The following ZMPSTE24 variants were observed in gnomAD, a reference collection of about 807,000 sequenced individuals.
ZMPSTE24 encodes the protein zinc metallopeptidase STE24.
A neutral mutation model predicts 56.7 loss-of-function variants in ZMPSTE24; 48 were observed. The ratio of observed to expected loss-of-function variants is 0.85; its 90% CI spans 0.67 to 1.08. The LOEUF (loss-of-function observed/expected upper bound fraction) is 1.08. ZMPSTE24 is among the 50% of genes least tolerant of loss of function. The pLI, the probability that ZMPSTE24 is intolerant of heterozygous loss-of-function variation, is 0.00. For synonymous variants in ZMPSTE24, 172 were observed against 195.2 expected, an observed-to-expected ratio of 0.88 and a Z score of 0.99; for missense variants, 503 against 548.7, an observed-to-expected ratio of 0.92 and a Z score of 0.83.
At chr1:40,290,698 G>GA in intron 8 of ZMPSTE24, 156 bp from the exon 9 acceptor site, 2 of 693,930 alleles carry the variant, frequency 2.9e-6, no homozygotes, top group Non-Finnish European at 2.4e-6. Context: ...TCCTGACCTC[G>GA]TGATCCACCC....
intron 8 of ZMPSTE24, among the ~76,000 whole-genome samples, chr1:40,289,462 C>T (rs1187732795): frequency 6.6e-6 from 1 of 152,220 alleles, no homozygotes; most frequent in Non-Finnish European, 1.5e-5. Context: ...TAGGAGACTT[C>T]ACTGAGTTTT....
chr1:40,276,727 A>G lies in ZMPSTE24; in HGVS notation c.770-4616A>G, dbSNP rs576067872. On this transcript the variant is annotated intron_variant, in intron 6 of 9. Coordinates refer to ENST00000372759, the MANE Select transcript of ZMPSTE24 (RefSeq NM_005857.5). ...GGCTTTTCGTTGTCATGCAAACACC[A>G]TTATACTCATACAAACCTAGATGGT... Among the ~76,000 whole-genome samples, 15 of 152,348 alleles carry G rather than the reference A, an allele frequency of 9.8e-5. No individual in the cohort carries two copies. In the South Asian group the frequency reaches 2.7e-3, roughly 27 times the overall value.
In ZMPSTE24 at chr1:40,269,167, C is replaced by T. The variant is rs1322495676; in HGVS notation, c.474+632C>T. ...ATCCCAACACTTTGGGAGGCTAAGG[C>T]GGGAGGATCACTTGAGTTCAGGAGT... On this transcript the variant is annotated intron_variant, in intron 4 of 9. Transcript: ENST00000372759. Among the ~76,000 whole-genome samples, 3 of 150,284 alleles carry T rather than the reference C, an allele frequency of 2.0e-5. No homozygotes were observed. In the East Asian group the frequency reaches 5.9e-4, roughly 29 times the overall value.
At chr1:40,285,641 C>T (rs1457807217) in intron 7 of ZMPSTE24, among the ~76,000 whole-genome samples, 2 of 152,156 alleles carry the variant, frequency 1.3e-5, no homozygotes, top group Non-Finnish European at 2.9e-5. Context: ...ATAAAGATTT[C>T]TATTTCTTCC....
chr1:40,281,227 T>C, intron 6 of ZMPSTE24, 116 bp from the exon 7 acceptor site: 1 of 1,041,392 alleles, frequency 9.6e-7, no homozygotes, highest in Non-Finnish European at 1.5e-6. Context: ...TTTCTTCACA[T>C]ATTAAATGAT....
intron 6 of ZMPSTE24, 105 bp from the exon 7 acceptor site, chr1:40,281,238 T>C: frequency 1.8e-6 from 2 of 1,112,216 alleles, no homozygotes; most frequent in Non-Finnish European, 2.7e-6. Context: ...ATTAAATGAT[T>C]TGAAAATGTT....
chr1:40,273,537 A>AAAAAAATATATATATAT (rs1224234676), intron 6 of ZMPSTE24, among the ~76,000 whole-genome samples: 1 of 12,388 alleles, frequency 8.1e-5, no homozygotes, highest in Non-Finnish European at 2.0e-4. Context: ...AAAAAAAAAA[A>AAAAAAATATATATATAT]ATATATATAT....
chr1:40,268,428 T>C lies in ZMPSTE24; in HGVS notation c.367T>C (p.Ser123Pro). 1.2e-6 allele frequency: 2 copies of C among 1,611,526 alleles called. No homozygotes were observed. Among genetic ancestry groups the C allele is most frequent in the Non-Finnish European group, 1.7e-6 (2 of 1,179,266 alleles). Residue 123 changes from serine to proline, a missense_variant, in exon 4 of 10, where the codon TCC becomes CCC. Ser to Pro is a moderately conservative substitution (Grantham distance 74). Coordinates refer to ENST00000372759, the MANE Select transcript of ZMPSTE24 (RefSeq NM_005857.5). The stretch of plus-strand genomic sequence containing the variant: ...TTTTTCTTTTGTTTAGATCACTCAG[T>C]CCCTGGTGTTTCTGCTGTTGGCTAC... The part of the protein sequence containing the change: ...GFGPEYEITQ[S>P]LVFLLLATLF...
chr1:40,269,101 A>G (rs1643587494), intron 4 of ZMPSTE24, among the ~76,000 whole-genome samples: 3 of 150,798 alleles, frequency 2.0e-5, no homozygotes, highest in African/African-American at 7.3e-5. Flanking sequence ...AAAAAAAGAA[A>G]GAAAAAAAGT....
rs532366740 is a variant in ZMPSTE24 at position 40,291,721 on chromosome 1, A to G, written c.1203+724A>G. ...GCTAAATGAATTATATTTTTCTATT[A>G]TGTATGGTGGGGACACCAGGAAAGA... On this transcript the variant is annotated intron_variant, in intron 9 of 9. Transcript: ENST00000372759. 2.8e-4 allele frequency among the ~76,000 whole-genome samples: 42 copies of G among 152,260 alleles called. No individual in the cohort carries two copies. The East Asian group carries it at 7.9e-3, about 29-fold the overall frequency.
intron 2 of ZMPSTE24, among the ~76,000 whole-genome samples, chr1:40,261,857 G>A (rs543504934): frequency 5.3e-5 from 8 of 152,100 alleles, no homozygotes; most frequent in Admixed American, 3.3e-4. Context: ...CTACAGGCGC[G>A]TGCCACCACA....
At chr1:40,262,423 A>G (rs1283941581) in intron 2 of ZMPSTE24, among the ~76,000 whole-genome samples, 1 of 152,216 alleles carries the variant, frequency 6.6e-6, no homozygotes, top group Non-Finnish European at 1.5e-5. Context: ...ACTTGGCTTT[A>G]GTTAATTTAT....
chr1:40,272,123 T>A, intron 6 of ZMPSTE24, 88 bp downstream of exon 6: 1 of 1,387,932 alleles, frequency 7.2e-7, no homozygotes, highest in Non-Finnish European at 9.6e-7. Flanking sequence ...AAAGAATTAA[T>A]CAGTTTTTGT....
At position 40,268,506 on chromosome 1, in the gene ZMPSTE24, A is replaced by G; in HGVS notation, c.445A>G (p.Ile149Val). ...LPWSLYNTFV[I>V]EEKHGFNQQT... ...ATGGAGTCTTTATAATACTTTTGTG[A>G]TAGAAGAAAAACATGGCTTCAATCA... is the stretch of plus-strand genomic sequence containing the variant. The change falls in exon 4 of 10, where the codon ATA becomes GTA. Residue 149 changes from isoleucine (I) to valine (V), a missense_variant. Ile to Val is a conservative substitution (Grantham distance 29, BLOSUM62 3). Coordinates refer to ENST00000372759, the MANE Select transcript of ZMPSTE24 (RefSeq NM_005857.5). The G allele has an allele frequency of 1.9e-6, 3 of 1,610,538 alleles. No homozygotes were observed. Among genetic ancestry groups the G allele is most frequent in the East Asian group, 2.2e-5 (1 of 44,856 alleles).
intron 2 of ZMPSTE24, chr1:40,262,741 G>A (rs1446004055): frequency 1.1e-6 from 1 of 912,800 alleles, no homozygotes; most frequent in African/African-American, 1.8e-5. Flanking sequence ...TCCATTGCTT[G>A]GTAAGTGTAT....
chr1:40,285,794 A>T, intron 7 of ZMPSTE24, 131 bp from the exon 8 acceptor site: 1 of 712,846 alleles, frequency 1.4e-6, no homozygotes, highest in Middle Eastern at 4.2e-4. Context: ...ATGTTTTGTT[A>T]AGACAATCAA....
rs761001042 is a variant in ZMPSTE24 at position 40,268,447 on chromosome 1, T to A, written c.386T>A (p.Leu129Ter). 3 of 1,612,926 alleles carry A rather than the reference T, an allele frequency of 1.9e-6. No individual in the cohort carries two copies. The highest frequency in any genetic ancestry group is 2.5e-6 in the Non-Finnish European group (3 of 1,179,960). Residue 129 changes from leucine to a stop codon, truncating the protein, a stop_gained, in exon 4 of 10, where the codon TTG becomes TAG. Coordinates refer to ENST00000372759, the MANE Select transcript of ZMPSTE24 (RefSeq NM_005857.5). LOFTEE classifies it high-confidence loss of function. ...ACTCAGTCCCTGGTGTTTCTGCTGT[T>A]GGCTACACTTTTCAGTGCATTGACT... ...EITQSLVFLLLATLFSALTGL... is the reference protein window; with the variant it reads ...EITQSLVFLL
Position 40,280,907 on chromosome 1 carries a change from C to T in ZMPSTE24, c.770-436C>T, listed in dbSNP as rs186521761. Among the ~76,000 whole-genome samples, 54 of 152,216 alleles carry T rather than the reference C, an allele frequency of 3.5e-4. 1 individual carries two copies. The highest frequency in any genetic ancestry group is 2.8e-4 in the Non-Finnish European group (19 of 68,000). On this transcript the variant is annotated intron_variant, in intron 6 of 9. Transcript: ENST00000372759. ...CAGCAAATTTCAACAATGCAAAAAC[C>T]GCAATTACTTTTGCACCAACCTAAT... is the stretch of plus-strand genomic sequence containing the variant.
At chr1:40,290,138 C>G (rs1643826048) in intron 8 of ZMPSTE24, among the ~76,000 whole-genome samples, 1 of 152,050 alleles carries the variant, frequency 6.6e-6, no homozygotes, top group Admixed American at 6.6e-5. Flanking sequence ...AATCCCAGCA[C>G]TTTGGGAGGC....
Sources: gnomAD v4.1 joint callset for allele counts (sites outside exome capture counted in the v4.1 genomes callset) on GRCh38, gnomAD v4.1.1 for gene constraint, MANE v1.5 for transcripts, NCBI Gene and HGNC (gene_info 2026-07-23, HGNC 2026-07-21) for gene names.